The following PEX1 variants were observed in gnomAD, a reference collection of about 807,000 sequenced individuals.
PEX1 encodes the protein peroxisomal ATPase PEX1.
PEX1 carries 97 observed loss-of-function variants against 152.5 expected under a neutral mutation model. The observed-to-expected ratio is 0.64, with a 90% confidence interval of 0.54 to 0.75. PEX1 has a LOEUF of 0.75. PEX1 is among the 30% of genes least tolerant of loss of function. The pLI is 0.00. For missense variants in PEX1, 1,357 were observed against 1,516.3 expected, an observed-to-expected ratio of 0.89 and a Z score of 1.74; for synonymous variants, 485 against 531.6, an observed-to-expected ratio of 0.91 and a Z score of 1.21.
At chr7:92,502,999 A>G (rs1277723235) in intron 13 of PEX1, 42 bp downstream of exon 13, 8 of 1,534,752 alleles carry the variant, frequency 5.2e-6, no homozygotes, top group Non-Finnish European at 7.2e-6. Context: ...TAATTTCTAT[A>G]AAAGGGACAT....
rs750806698 is a variant in PEX1, at chr7:92,499,884, CA to C, written c.2584-47del. 12 of 1,493,556 alleles carry C rather than the reference CA, an allele frequency of 8.0e-6. No homozygotes were observed. The African/African-American group carries it at 1.5e-4, about 19-fold the overall frequency. The allele number at this position is 1,493,556 out of a possible 1,614,324, so 92.5% of individuals were successfully genotyped here. ...ATATGAAAAAGAGCTCAAGTCTAAACAGAAATGACTAAGTAGCAGCTAAAGA... is the reference window on the plus strand; with the variant it reads ...ATATGAAAAAGAGCTCAAGTCTAAACGAAATGACTAAGTAGCAGCTAAAGA... On this transcript the variant is annotated intron_variant, in intron 15 of 23. Coordinates refer to ENST00000248633, the MANE Select transcript of PEX1 (RefSeq NM_000466.3).
chr7:92,495,986 C>T (rs1236801957), intron 17 of PEX1, among the ~76,000 whole-genome samples: 3 of 151,978 alleles, frequency 2.0e-5, no homozygotes, highest in South Asian at 2.1e-4. Flanking sequence ...TTTTCATTAT[C>T]GTTTGCTCCC....
intron 7 of PEX1, 49 bp from the exon 8 acceptor site, chr7:92,511,096 G>T: frequency 1.2e-6 from 1 of 866,412 alleles, no homozygotes; most frequent in Non-Finnish European, 1.9e-6. Context: ...AAACAGAGAT[G>T]AAATAATTTA....
chr7:92,487,201 ATAT>A lies in PEX1; in HGVS notation c.*253_*255del, dbSNP rs1173758193. ...ATAAATTAGTTCCACCATTTGGCTA[ATAT>A]TATTTCATTAAAGACTGAATTTAGA... On this transcript the variant is annotated 3_prime_UTR_variant, in exon 24 of 24. Transcript: ENST00000248633. 2 of 251,694 alleles carry A rather than the reference ATAT, an allele frequency of 7.9e-6. No homozygotes were observed. The highest frequency in any genetic ancestry group is 1.5e-4 in the East Asian group (2 of 13,358). The allele number at this position is 251,694 out of a possible 1,614,324, so 15.6% of individuals were successfully genotyped here.
intron 16 of PEX1, among the ~76,000 whole-genome samples, chr7:92,497,100 A>T (rs1791691300): frequency 6.6e-6 from 1 of 152,076 alleles, no homozygotes; most frequent in South Asian, 2.1e-4. Flanking sequence ...AAGCCTCCTT[A>T]CCCTGCTTTT....
rs370913113 is a variant in PEX1 at position 92,514,059 on chromosome 7, G to A, written c.1240-92C>T. ...TAAATATTGATATATTAGCTTCTAT[G>A]AATTTAGGTGAAATAACAGAAGCTA... On this transcript the variant is annotated intron_variant, in intron 5 of 23. Coordinates refer to ENST00000248633, the MANE Select transcript of PEX1 (RefSeq NM_000466.3). 52 of 799,064 alleles carry A rather than the reference G, an allele frequency of 6.5e-5. 1 individual carries two copies. The East Asian group carries it at 8.7e-4, about 13-fold the overall frequency. 49.5% of individuals were successfully genotyped at this position (799,064 alleles called of 1,614,324 possible).
At chr7:92,502,646 T>C (rs1457327788) in intron 13 of PEX1, among the ~76,000 whole-genome samples, 1 of 152,180 alleles carries the variant, frequency 6.6e-6, no homozygotes, top group Admixed American at 6.5e-5. Flanking sequence ...ATTTAGAATA[T>C]GTTTGCCAGT....
At chr7:92,488,010 T>C (rs1359280117) in intron 23 of PEX1, among the ~76,000 whole-genome samples, 1 of 152,214 alleles carries the variant, frequency 6.6e-6, no homozygotes, top group African/African-American at 2.4e-5. Flanking sequence ...CAATTAGATA[T>C]GTGCATATAT....
chr7:92,496,826 T>C, intron 16 of PEX1, 49 bp from the exon 17 acceptor site: 1 of 1,249,470 alleles, frequency 8.0e-7, no homozygotes, highest in Non-Finnish European at 1.2e-6. Flanking sequence ...AAAGAAAATA[T>C]AAATTTGGTT....
chr7:92,499,037 T>C (rs190575769), intron 16 of PEX1, among the ~76,000 whole-genome samples: 65 of 152,330 alleles, frequency 4.3e-4, no homozygotes, highest in Admixed American at 2.9e-3. Context: ...TCCCACTAGC[T>C]TTCCAAATGT....
chr7:92,519,991 A>G (rs191140169), intron 2 of PEX1, among the ~76,000 whole-genome samples: 1 of 152,254 alleles, frequency 6.6e-6, no homozygotes, highest in Non-Finnish European at 1.5e-5. Flanking sequence ...TTTCTCTTCA[A>G]TATCTCCCTT....
chr7:92,515,067 CTATATATATATATATATATATATATA>C lies in PEX1; in HGVS notation c.1240-1126_1240-1101del, dbSNP rs67750906. Reference sequence around the variant, plus strand: ...GTCTCAAGAAAAAAAAAAAAATTATCTATATATATATATATATATATATATATATATATATATATATATATATATAT... The same window carrying C: ...GTCTCAAGAAAAAAAAAAAAATTATCTATATATATATATATATATATATAT... On this transcript the variant is annotated intron_variant, in intron 5 of 23. Coordinates refer to ENST00000248633, the MANE Select transcript of PEX1 (RefSeq NM_000466.3). Among the ~76,000 whole-genome samples the C allele has an allele frequency of 7.9e-3, 984 of 125,114 alleles. 42 individuals carry two copies. Among genetic ancestry groups the C allele is most frequent in the African/African-American group, 0.027 (906 of 32,976 alleles). The allele number at this position is 125,114 out of a possible 152,430, so 82.1% of individuals were successfully genotyped here. A position where few individuals can be genotyped will look rare whatever the true frequency, so the allele number is the denominator to read the frequency against.
intron 2 of PEX1, among the ~76,000 whole-genome samples, chr7:92,520,448 T>C (rs1171795775): frequency 6.6e-6 from 1 of 152,222 alleles, no homozygotes; most frequent in Non-Finnish European, 1.5e-5. Context: ...GATTAGTCTG[T>C]GCTCAAAACA....
chr7:92,513,054 G>A (rs1433814831), intron 6 of PEX1, among the ~76,000 whole-genome samples: 3 of 152,062 alleles, frequency 2.0e-5, no homozygotes, highest in Non-Finnish European at 4.4e-5. Flanking sequence ...GAAACAACAT[G>A]GGACAATTTT....
At chr7:92,498,657 C>T (rs904491248) in intron 16 of PEX1, among the ~76,000 whole-genome samples, 5 of 152,060 alleles carry the variant, frequency 3.3e-5, no homozygotes, top group African/African-American at 7.2e-5. Flanking sequence ...ACTGGATCTG[C>T]GACCACAATG....
At chr7:92,502,103 G>C in intron 13 of PEX1, 24 bp from the exon 14 acceptor site, 1 of 1,485,188 alleles carries the variant, frequency 6.7e-7, no homozygotes, top group South Asian at 1.2e-5. Flanking sequence ...CACAAAATTC[G>C]AATTTCCAAT....
At chr7:92,526,958 A>T (rs940520455) in intron 1 of PEX1, among the ~76,000 whole-genome samples, 8 of 152,206 alleles carry the variant, frequency 5.3e-5, no homozygotes, top group African/African-American at 1.4e-4. Flanking sequence ...TATATAATTC[A>T]TCGAGGAATA....
At chr7:92,499,669 C>T in intron 16 of PEX1, 35 bp downstream of exon 16, 1 of 1,562,594 alleles carries the variant, frequency 6.4e-7, no homozygotes, top group Non-Finnish European at 8.8e-7. Context: ...GTTAATTTTA[C>T]CTAAATAAAA....
intron 2 of PEX1, among the ~76,000 whole-genome samples, chr7:92,520,551 C>A (rs1793005265): frequency 6.6e-6 from 1 of 152,144 alleles, no homozygotes; most frequent in African/African-American, 2.4e-5. Context: ...AAACGTATAG[C>A]ACCCTTGGCT....
Sources: allele counts gnomAD v4.1 joint callset (sites outside exome capture counted in the v4.1 genomes callset), GRCh38; gene constraint gnomAD v4.1.1; transcripts MANE v1.5; gene names NCBI Gene and HGNC (gene_info 2026-07-23, HGNC 2026-07-21).